The following MCCC1 variants were observed in gnomAD, a reference collection of about 807,000 sequenced individuals.
MCCC1 encodes methylcrotonyl-CoA carboxylase subunit 1.
A neutral mutation model predicts 83.8 loss-of-function variants in MCCC1; 64 were observed. That is an observed-to-expected ratio of 0.76 (90% CI 0.62 to 0.94). The LOEUF (loss-of-function observed/expected upper bound fraction) is 0.94. Among genes scored for constraint, MCCC1 ranks in the 40% least tolerant of loss-of-function variants. The pLI, the probability that MCCC1 is intolerant of heterozygous loss-of-function variation, is 0.00. For missense variants in MCCC1, 807 were observed against 904.7 expected, an observed-to-expected ratio of 0.89 and a Z score of 1.39; for synonymous variants, 322 against 315.4, an observed-to-expected ratio of 1.02 and a Z score of -0.22.
At chr3:183,045,647 G>T in intron 9 of MCCC1, 107 bp from the exon 10 acceptor site, 2 of 1,147,454 alleles carry the variant, frequency 1.7e-6, no homozygotes, top group Non-Finnish European at 2.6e-6. Context: ...TCATTCAATG[G>T]TAACACTTTG....
chr3:183,087,440 T>G (rs1717972506), intron 3 of MCCC1, among the ~76,000 whole-genome samples: 1 of 152,094 alleles, frequency 6.6e-6, no homozygotes, highest in African/African-American at 2.4e-5. Context: ...ACATTAAAAA[T>G]ACATTCACAC....
At chr3:183,041,515 A>C in intron 11 of MCCC1, 52 bp downstream of exon 11, 1 of 1,584,296 alleles carries the variant, frequency 6.3e-7, no homozygotes, top group South Asian at 1.1e-5. Flanking sequence ...CAAAAACAAT[A>C]ATGTACTAAA....
intron 18 of MCCC1, among the ~76,000 whole-genome samples, chr3:183,016,916 C>A (rs1711687827): frequency 6.6e-6 from 1 of 152,188 alleles, no homozygotes. Context: ...CAACAGTTAA[C>A]ATTAGAAAAT....
rs2108526654 is a variant in MCCC1, at chr3:183,071,330, A to G, written c.519T>C (p.Ala173=). 1.2e-6 allele frequency: 2 copies of G among 1,614,220 alleles called. No individual in the cohort carries two copies. Among genetic ancestry groups the G allele is most frequent in the Non-Finnish European group, 1.7e-6 (2 of 1,180,044 alleles). ...GATAACCCTCCACAACAGGTACTCC[A>G]GCAGCAGCCATTATGGATTTGGATG... ...KSTSKSIMAA[A]GVPVVEGYHG... Residue 173 remains alanine (A), a synonymous_variant, in exon 6 of 19, where the codon GCT becomes GCC. Transcript: ENST00000265594.
At chr3:183,088,332 G>A (rs1446577625) in intron 3 of MCCC1, among the ~76,000 whole-genome samples, 9 of 151,394 alleles carry the variant, frequency 5.9e-5, no homozygotes, top group South Asian at 2.1e-4. Flanking sequence ...TCAGCCTCCC[G>A]AGTAGCTGGA....
intron 1 of MCCC1, among the ~76,000 whole-genome samples, chr3:183,095,084 C>G (rs186369625): frequency 1.3e-5 from 2 of 152,088 alleles, no homozygotes; most frequent in Non-Finnish European, 2.9e-5. Flanking sequence ...GAGATTGAGG[C>G]CATCCTGGCT....
At chr3:183,035,983 CA>C (rs1200200443) in intron 13 of MCCC1, among the ~76,000 whole-genome samples, 5 of 140,890 alleles carry the variant, frequency 3.5e-5, no homozygotes, top group Admixed American at 2.8e-4. Flanking sequence ...CCCCTCCCCC[CA>C]CCCCACGACA....
At chr3:183,060,486 G>C (rs1230832064) in intron 7 of MCCC1, among the ~76,000 whole-genome samples, 1 of 152,166 alleles carries the variant, frequency 6.6e-6, no homozygotes, top group Non-Finnish European at 1.5e-5. Flanking sequence ...GAAAGCTATT[G>C]ACATAACACA....
intron 1 of MCCC1, among the ~76,000 whole-genome samples, chr3:183,096,271 G>A (rs1431688195): frequency 6.6e-6 from 1 of 152,014 alleles, no homozygotes; most frequent in African/African-American, 2.4e-5. Flanking sequence ...GGGAGGTGGA[G>A]GTTGCAGTGA....
At position 183,041,712 on chromosome 3, in the gene MCCC1, T is replaced by C. The variant is rs752061963; in HGVS notation, c.1122A>G (p.Glu374=). 3.1e-6 allele frequency: 5 copies of C among 1,614,206 alleles called. No individual in the cohort carries two copies. Among genetic ancestry groups the C allele is most frequent in the Non-Finnish European group, 3.4e-6 (4 of 1,180,028 alleles). Residue 374 remains glutamate, a synonymous_variant, in exon 11 of 19, where the codon GAA becomes GAG. Coordinates refer to ENST00000265594, the MANE Select transcript of MCCC1 (RefSeq NM_020166.5). ...AGEKIPLSQE[E]ITLQGHAFEA... Reference sequence around the variant, plus strand: ...CGAAGGCATGGCCCTGCAGAGTTATTTCTTCCTGGCTCAAAGGAATCTTCT... The same window carrying C: ...CGAAGGCATGGCCCTGCAGAGTTATCTCTTCCTGGCTCAAAGGAATCTTCT...
At position 183,064,423 on chromosome 3, in the gene MCCC1, C is replaced by T. The variant is rs1037734152; in HGVS notation, c.761+6576G>A. On this transcript the variant is annotated intron_variant, in intron 7 of 18. Transcript: ENST00000265594. The surrounding 1 kb of genome is among the most constrained non-coding windows in gnomAD (Gnocchi z 4.5). ...AGGGACTGCAGGAAACGCCTCCCTT[C>T]CTGGCTTCCCTCGCTCCAGGAGACG... Among the ~76,000 whole-genome samples the T allele has an allele frequency of 6.6e-6, 1 of 152,186 alleles. No homozygotes were observed. The highest frequency in any genetic ancestry group is 6.5e-5 in the Admixed American group (1 of 15,286).
rs142664377 is a variant in MCCC1 at position 183,092,543 on chromosome 3, T to C, written c.139A>G (p.Arg47Gly). The C allele has an allele frequency of 8.1e-5, 130 of 1,614,070 alleles. No homozygotes were observed. Among genetic ancestry groups the C allele is most frequent in the Non-Finnish European group, 8.6e-5 (101 of 1,180,034 alleles). ...RTMKYTTATG[R>G]NITKVLIANR... The stretch of plus-strand genomic sequence containing the variant: ...GCAATGAGGACCTTGGTAATGTTTC[T>C]TCCTGTTTAAAACACCATGAAAATC... The change falls in exon 3 of 19, where the codon AGA (arginine) becomes GGA (glycine). Residue 47 changes from arginine to glycine, a missense_variant and splice_region_variant. Coordinates refer to ENST00000265594, the MANE Select transcript of MCCC1 (RefSeq NM_020166.5).
chr3:183,032,444 G>A (rs1713158787), intron 14 of MCCC1, among the ~76,000 whole-genome samples: 1 of 152,154 alleles, frequency 6.6e-6, no homozygotes, highest in South Asian at 2.1e-4. Context: ...TTTGCAGAAT[G>A]CTACTATATA....
rs111512799 is a variant in MCCC1, at chr3:183,066,239, G to T, written c.761+4760C>A. Among the ~76,000 whole-genome samples, 648 of 152,272 alleles carry T rather than the reference G, an allele frequency of 4.3e-3. 3 individuals carry two copies. The highest frequency in any genetic ancestry group is 0.015 in the African/African-American group (627 of 41,552). On this transcript the variant is annotated intron_variant, in intron 7 of 18. Transcript: ENST00000265594. Reference sequence around the variant, plus strand: ...GTCAATTGTGTTTTTAACTGTGGCTGCCCTAAAACTTTTTGCCATCCACAG... The same window carrying T: ...GTCAATTGTGTTTTTAACTGTGGCTTCCCTAAAACTTTTTGCCATCCACAG...
At chr3:183,108,284 GATTAGATTTAGGTT>G (rs1296304408) in intron 1 of MCCC1, among the ~76,000 whole-genome samples, 2 of 152,134 alleles carry the variant, frequency 1.3e-5, no homozygotes, top group East Asian at 3.8e-4. Flanking sequence ...ATTTCCTCAT[GATTAGATTTAGGTT>G]ATTAGATTTA....
intron 18 of MCCC1, among the ~76,000 whole-genome samples, chr3:183,016,067 T>G (rs1211108541): frequency 4.6e-5 from 7 of 151,648 alleles, no homozygotes; most frequent in Non-Finnish European, 7.4e-5. Context: ...TAACTGGGAC[T>G]ACAGGTGTGT....
In MCCC1 at chr3:183,077,020, G is replaced by A. The variant is rs140997248; in HGVS notation, c.370-4533C>T. ...TTTGTGACTGGCTCTGTCACTGAAC[G>A]TAATATTTTCAAGGTTCATCCATTT... On this transcript the variant is annotated intron_variant, in intron 4 of 18. Transcript: ENST00000265594. Among the ~76,000 whole-genome samples, 209 of 152,168 alleles carry A rather than the reference G, an allele frequency of 1.4e-3. 1 individual carries two copies. The highest frequency in any genetic ancestry group is 4.7e-3 in the African/African-American group (194 of 41,516).
chr3:183,115,967 G>A (rs928555399), exon 1 of MCCC1: 3 of 152,266 alleles, frequency 2.0e-5, no homozygotes, highest in Admixed American at 6.5e-5. Flanking sequence ...TCACAGAGTG[G>A]GAGTGGGCTC....
chr3:183,036,217 A>G (rs1419096702), intron 13 of MCCC1, among the ~76,000 whole-genome samples: 2 of 152,098 alleles, frequency 1.3e-5, no homozygotes, highest in Non-Finnish European at 2.9e-5. Context: ...TAGGGATGCA[A>G]TGCATATGTG....
Sources: allele counts gnomAD v4.1 joint callset (sites outside exome capture counted in the v4.1 genomes callset), GRCh38; gene constraint gnomAD v4.1.1; non-coding constraint Gnocchi (gnomAD v3.1); transcripts MANE v1.5; gene names NCBI Gene and HGNC (gene_info 2026-07-23, HGNC 2026-07-21).